The following LSM3 variants were observed in gnomAD, a reference collection of about 807,000 sequenced individuals.
LSM3 encodes the protein U6 snRNA-associated Sm-like protein LSm3.
A neutral mutation model predicts 15.4 loss-of-function variants in LSM3; 14 were observed. The observed-to-expected ratio is 0.91, with a 90% CI of 0.60 to 1.42. The LOEUF (loss-of-function observed/expected upper bound fraction) is 1.42. Ranked by LOEUF, LSM3 falls within the 40% of genes most tolerant of loss-of-function variation. The pLI is 0.00. For missense variants in LSM3, 88 were observed against 127.9 expected (o/e 0.69, Z 1.50); for synonymous variants, 46 against 45.1 (o/e 1.02, Z -0.08).
chr3:14,185,759 C>T (rs1366856223), intron 3 of LSM3, among the ~76,000 whole-genome samples: 1 of 152,206 alleles, frequency 6.6e-6, no homozygotes, highest in East Asian at 1.9e-4. Flanking sequence ...ATCTGCCTTG[C>T]ACCTCAAATG....
At chr3:14,181,718 C>T in intron 2 of LSM3, 48 bp downstream of exon 2, 2 of 1,332,004 alleles carry the variant, frequency 1.5e-6, no homozygotes, top group Non-Finnish European at 2.2e-6. Context: ...CTTCCTACCC[C>T]CACTCCCTTG....
intron 3 of LSM3, among the ~76,000 whole-genome samples, chr3:14,189,617 T>G (rs918920847): frequency 1.3e-5 from 2 of 152,220 alleles, no homozygotes; most frequent in African/African-American, 4.8e-5. Context: ...GAAGTGTCTC[T>G]TCATATCCTT....
chr3:14,184,105 A>G, intron 3 of LSM3, 73 bp downstream of exon 3: 1 of 1,486,496 alleles, frequency 6.7e-7, no homozygotes, highest in South Asian at 1.4e-5. Context: ...ACCCATATTT[A>G]TGGGAAGCCT....
At chr3:14,185,625 A>G (rs948033874) in intron 3 of LSM3, among the ~76,000 whole-genome samples, 2 of 152,206 alleles carry the variant, frequency 1.3e-5, no homozygotes, top group African/African-American at 4.8e-5. Context: ...TGTTTTGTGA[A>G]TGTTCTACCT....
chr3:14,191,773 C>CT (rs1442925323), intron 3 of LSM3, among the ~76,000 whole-genome samples: 1 of 152,052 alleles, frequency 6.6e-6, no homozygotes, highest in Non-Finnish European at 1.5e-5. Context: ...TTTCGTGTCT[C>CT]TATCTCCTTC....
intron 2 of LSM3, among the ~76,000 whole-genome samples, chr3:14,183,020 CT>C (rs1242053659): frequency 6.6e-6 from 1 of 152,214 alleles, no homozygotes; most frequent in Non-Finnish European, 1.5e-5. Flanking sequence ...ATGGTGGTAA[CT>C]TTGGGAATAC....
At chr3:14,179,522 C>T (rs886877397) in intron 1 of LSM3, among the ~76,000 whole-genome samples, 4 of 152,158 alleles carry the variant, frequency 2.6e-5, no homozygotes, top group African/African-American at 9.7e-5. Context: ...GAAATCTGAC[C>T]TCCTCAGAGA....
intron 3 of LSM3, among the ~76,000 whole-genome samples, chr3:14,190,168 G>A (rs1346227436): frequency 6.6e-6 from 1 of 152,100 alleles, no homozygotes; most frequent in Non-Finnish European, 1.5e-5. Context: ...TATCTGTTTT[G>A]GTACCAGTAC....
intron 3 of LSM3, among the ~76,000 whole-genome samples, chr3:14,194,774 CCTTT>C (rs1697173117): frequency 8.4e-6 from 1 of 119,314 alleles, no homozygotes; most frequent in Non-Finnish European, 1.6e-5. Context: ...TTTATAGCAT[CCTTT>C]TTTTTTTTTT....
chr3:14,182,337 CTT>C (rs565301377), intron 2 of LSM3, among the ~76,000 whole-genome samples: 4 of 145,464 alleles, frequency 2.7e-5, no homozygotes, highest in South Asian at 2.2e-4. Flanking sequence ...TTTTCAGTAC[CTT>C]TTTTTTTTTT....
chr3:14,188,277 T>C (rs1450665475), intron 3 of LSM3, among the ~76,000 whole-genome samples: 1 of 152,206 alleles, frequency 6.6e-6, no homozygotes, highest in African/African-American at 2.4e-5. Context: ...GTGGCACTCA[T>C]ATTAGAGCAG....
At chr3:14,196,196 A>G (rs1277457165) in intron 3 of LSM3, among the ~76,000 whole-genome samples, 2 of 151,964 alleles carry the variant, frequency 1.3e-5, no homozygotes, top group Admixed American at 6.6e-5. Flanking sequence ...TGACCTCATG[A>G]TCCACCTGCC....
chr3:14,192,732 T>C (rs1697151985), intron 3 of LSM3, among the ~76,000 whole-genome samples: 1 of 152,252 alleles, frequency 6.6e-6, no homozygotes, highest in Admixed American at 6.5e-5. Flanking sequence ...TCTATCCAGT[T>C]TGCCAGTCTG....
chr3:14,182,684 A>T (rs1299364623), intron 2 of LSM3, among the ~76,000 whole-genome samples: 2 of 152,248 alleles, frequency 1.3e-5, no homozygotes, highest in Non-Finnish European at 2.9e-5. Flanking sequence ...TTTATTGAGC[A>T]TTAATTATAG....
chr3:14,199,782 C>G lies in LSM3; in HGVS notation c.*1666C>G, dbSNP rs1175760545. 1 of 152,280 alleles carries G rather than the reference C, an allele frequency of 6.6e-6. No individual in the cohort carries two copies. The highest frequency in any genetic ancestry group is 1.5e-5 in the Non-Finnish European group (1 of 68,116). 9.4% of individuals were successfully genotyped at this position (152,280 alleles called of 1,614,324 possible). A position where few individuals can be genotyped will look rare whatever the true frequency, so the allele number is the denominator to read the frequency against. Reference sequence around the variant, plus strand: ...TGTTAGAAGAAACAACCTCAAAGACCTCAGGCCGCCTGTGGTCATTAGTAT... The same window carrying G: ...TGTTAGAAGAAACAACCTCAAAGACGTCAGGCCGCCTGTGGTCATTAGTAT... On this transcript the variant is annotated 3_prime_UTR_variant, in exon 4 of 4. Coordinates refer to ENST00000306024, the MANE Select transcript of LSM3 (RefSeq NM_014463.3).
intron 3 of LSM3, among the ~76,000 whole-genome samples, chr3:14,197,375 C>T (rs1048765867): frequency 6.6e-6 from 1 of 152,238 alleles, no homozygotes; most frequent in Admixed American, 6.5e-5. Flanking sequence ...TAATATTTTG[C>T]CAAGGCATAA....
chr3:14,187,174 A>T (rs543786808), intron 3 of LSM3, among the ~76,000 whole-genome samples: 8 of 152,248 alleles, frequency 5.3e-5, no homozygotes, highest in African/African-American at 1.7e-4. Flanking sequence ...GTTCCTCCTG[A>T]CACTGTTTGA....
intron 3 of LSM3, among the ~76,000 whole-genome samples, chr3:14,188,780 T>G (rs1697113569): frequency 6.6e-6 from 1 of 152,198 alleles, no homozygotes; most frequent in Non-Finnish European, 1.5e-5. Context: ...TAGTAAAACC[T>G]ATTCTGCTGT....
At chr3:14,186,919 A>G (rs914191551) in intron 3 of LSM3, among the ~76,000 whole-genome samples, 2 of 152,252 alleles carry the variant, frequency 1.3e-5, no homozygotes, top group Non-Finnish European at 2.9e-5. Context: ...GTGATAAAAT[A>G]TGGAATATGT....
Sources: allele counts gnomAD v4.1 joint callset (sites outside exome capture counted in the v4.1 genomes callset), GRCh38; gene constraint gnomAD v4.1.1; transcripts MANE v1.5; gene names NCBI Gene and HGNC (gene_info 2026-07-23, HGNC 2026-07-21).